The following MAP3K7CL variants were observed in gnomAD, a reference collection of about 807,000 sequenced individuals.
MAP3K7CL encodes the protein MAP3K7 C-terminal like.
Under a neutral mutation model 18.6 loss-of-function variants are expected in MAP3K7CL, and 16 were observed. The observed-to-expected ratio is 0.86, with a 90% CI of 0.58 to 1.31. MAP3K7CL has a LOEUF of 1.31. Ranked by LOEUF, MAP3K7CL falls within the 50% of genes most tolerant of loss-of-function variation. The probability of loss-of-function intolerance (pLI) is 0.00; values close to 1 mark genes in which losing one functional copy is unlikely to be tolerated. For synonymous variants in MAP3K7CL, 65 were observed against 66.8 expected, an observed-to-expected ratio of 0.97 and a Z score of 0.13; for missense variants, 163 against 174.4, an observed-to-expected ratio of 0.93 and a Z score of 0.37.
At chr21:29,086,235 A>C (rs1253024065) in intron 1 of MAP3K7CL, among the ~76,000 whole-genome samples, 1 of 152,242 alleles carries the variant, frequency 6.6e-6, no homozygotes, top group Non-Finnish European at 1.5e-5. Context: ...TAGTAAACTA[A>C]ATGATCCGTG....
intron 4 of MAP3K7CL, among the ~76,000 whole-genome samples, chr21:29,093,341 A>G (rs192988789): frequency 2.0e-5 from 3 of 152,366 alleles, no homozygotes; most frequent in Admixed American, 1.3e-4. Flanking sequence ...CTCTACAACT[A>G]TTATTTCTCA....
intron 3 of MAP3K7CL, among the ~76,000 whole-genome samples, chr21:29,151,723 A>T (rs1476411930): frequency 2.0e-5 from 3 of 152,204 alleles, no homozygotes; most frequent in Non-Finnish European, 4.4e-5. Flanking sequence ...GTGTTGGAAC[A>T]ACATTTTTTC....
chr21:29,161,104 A>G (rs2087536494), intron 4 of MAP3K7CL, among the ~76,000 whole-genome samples: 1 of 152,184 alleles, frequency 6.6e-6, no homozygotes, highest in African/African-American at 2.4e-5. Context: ...TGAGGTCAGG[A>G]TTTGAGAACA....
intron 4 of MAP3K7CL, among the ~76,000 whole-genome samples, chr21:29,119,812 G>A (rs773575087): frequency 6.6e-6 from 1 of 151,948 alleles, no homozygotes; most frequent in African/African-American, 2.4e-5. Context: ...ACAGGCACCT[G>A]CCACCATCCC....
intron 4 of MAP3K7CL, among the ~76,000 whole-genome samples, chr21:29,114,739 G>A (rs1175915568): frequency 2.0e-5 from 3 of 152,056 alleles, no homozygotes; most frequent in Admixed American, 2.0e-4. Context: ...CCTAAATGAC[G>A]GCAAATAATA....
intron 4 of MAP3K7CL, among the ~76,000 whole-genome samples, chr21:29,112,353 G>A (rs956371128): frequency 6.6e-6 from 1 of 152,044 alleles, no homozygotes; most frequent in Admixed American, 6.6e-5. Context: ...ATAGTTTTTG[G>A]AAGGACTGAA....
chr21:29,169,558 A>G (rs1445800288), intron 4 of MAP3K7CL, among the ~76,000 whole-genome samples: 1 of 152,186 alleles, frequency 6.6e-6, no homozygotes, highest in African/African-American at 2.4e-5. Flanking sequence ...ATTTTATTAT[A>G]TTATTTCCCC....
At chr21:29,090,633 C>T (rs2086009317) in intron 1 of MAP3K7CL, among the ~76,000 whole-genome samples, 1 of 152,166 alleles carries the variant, frequency 6.6e-6, no homozygotes, top group Non-Finnish European at 1.5e-5. Flanking sequence ...CCTGCCTTGG[C>T]CTCCCAAAGT....
intron 4 of MAP3K7CL, among the ~76,000 whole-genome samples, chr21:29,124,353 C>CAAAAAAAAAAAAAAAAAAAAAAAAA (rs59499297): frequency 1.3e-5 from 1 of 78,608 alleles, no homozygotes; most frequent in African/African-American, 4.8e-5. Context: ...GACTCCGTCT[C>CAAAAAAAAAAAAAAAAAAAAAAAAA]AAAAAAAAAA....
At chr21:29,100,151 G>T (rs1233395297) in intron 4 of MAP3K7CL, among the ~76,000 whole-genome samples, 1 of 150,504 alleles carries the variant, frequency 6.6e-6, no homozygotes, top group African/African-American at 2.4e-5. Flanking sequence ...GCGGCAGCCC[G>T]AATGAATAGG....
chr21:29,081,004 A>G (rs2085825848), upstream of MAP3K7CL, among the ~76,000 whole-genome samples: 1 of 152,146 alleles, frequency 6.6e-6, no homozygotes, highest in Admixed American at 6.6e-5. Context: ...ACTTTTTAAA[A>G]TTAATTATTG....
At chr21:29,129,263 T>C (rs1344845980), upstream of MAP3K7CL, among the ~76,000 whole-genome samples, 1 of 152,264 alleles carries the variant, frequency 6.6e-6, no homozygotes, top group African/African-American at 2.4e-5. Flanking sequence ...TGTGTAATGA[T>C]GTGTATCTAC....
chr21:29,110,693 C>T (rs751961833), intron 4 of MAP3K7CL, among the ~76,000 whole-genome samples: 2 of 152,148 alleles, frequency 1.3e-5, no homozygotes, highest in South Asian at 2.1e-4. Flanking sequence ...CCACCACACT[C>T]GGCCATCTCT....
At chr21:29,172,831 G>A (rs1305638857) in intron 4 of MAP3K7CL, among the ~76,000 whole-genome samples, 1 of 149,958 alleles carries the variant, frequency 6.7e-6, no homozygotes, top group Non-Finnish European at 1.5e-5. Flanking sequence ...GTTTTGATGA[G>A]CAACCCCCCC....
chr21:29,101,176 A>G (rs1039501909), intron 4 of MAP3K7CL, among the ~76,000 whole-genome samples: 4 of 152,154 alleles, frequency 2.6e-5, no homozygotes, highest in Admixed American at 2.6e-4. Context: ...CAGGCTCAGC[A>G]TCTACTACAA....
intron 3 of MAP3K7CL, among the ~76,000 whole-genome samples, chr21:29,150,622 C>T (rs2087246659): frequency 6.6e-6 from 1 of 152,096 alleles, no homozygotes; most frequent in Admixed American, 6.6e-5. Flanking sequence ...ATCACGTCTC[C>T]CTCTTTTTTC....
chr21:29,099,099 C>A (rs562101532), intron 4 of MAP3K7CL, among the ~76,000 whole-genome samples: 3 of 151,742 alleles, frequency 2.0e-5, no homozygotes, highest in Non-Finnish European at 2.9e-5. Context: ...CTTTTCTTTT[C>A]TTTTCTTTTT....
Position 29,175,086 on chromosome 21 carries a change from T to G in MAP3K7CL, c.*194T>G. ...GATATTTTAAATGAGATCATTAACG[T>G]GAAACTATTACTAGTATATGTTTTT... On this transcript the variant is annotated 3_prime_UTR_variant, in exon 5 of 5. Coordinates refer to ENST00000399928, the MANE Select transcript of MAP3K7CL (RefSeq NM_001286620.2). 2.1e-6 allele frequency: 1 copy of G among 478,622 alleles called. No homozygotes were observed. The highest frequency in any genetic ancestry group is 4.0e-5 in the South Asian group (1 of 24,908). 29.6% of individuals were successfully genotyped at this position (478,622 alleles called of 1,614,324 possible).
At chr21:29,163,776 G>C (rs536788634) in intron 4 of MAP3K7CL, among the ~76,000 whole-genome samples, 1 of 147,758 alleles carries the variant, frequency 6.8e-6, no homozygotes, top group Non-Finnish European at 1.5e-5. Context: ...GCTCACTGCA[G>C]CCTCAACCCC....
Sources: allele counts gnomAD v4.1 joint callset (sites outside exome capture counted in the v4.1 genomes callset), GRCh38; gene constraint gnomAD v4.1.1; transcripts MANE v1.5; gene names NCBI Gene and HGNC (gene_info 2026-07-23, HGNC 2026-07-21).